The following ADSS2 variants were observed in gnomAD, a reference collection of about 807,000 sequenced individuals.
The protein encoded by ADSS2 is adenylosuccinate synthetase isozyme 2.
In ADSS2, 30 loss-of-function variants were observed where a neutral mutation model predicts 60.0. The ratio of observed to expected loss-of-function variants is 0.50; its 90% CI spans 0.37 to 0.68. The LOEUF (loss-of-function observed/expected upper bound fraction) is 0.68, where lower values mean the gene tolerates loss of function less well. ADSS2 is among the 30% of genes least tolerant of loss of function. ADSS2 has a pLI of 0.00. For missense variants in ADSS2, 373 were observed against 554.8 expected, an observed-to-expected ratio of 0.67 and a Z score of 3.29; for synonymous variants, 187 against 193.1, an observed-to-expected ratio of 0.97 and a Z score of 0.26.
intron 12 of ADSS2, among the ~76,000 whole-genome samples, chr1:244,409,945 C>G (rs1371053118): frequency 6.6e-6 from 1 of 152,174 alleles, no homozygotes; most frequent in Non-Finnish European, 1.5e-5. Context: ...AGTTGGTGAT[C>G]AAGTTCCTGA....
At chr1:244,443,837 TGGCGGAGC>T (rs1452283524) in intron 1 of ADSS2, among the ~76,000 whole-genome samples, 4 of 151,900 alleles carry the variant, frequency 2.6e-5, no homozygotes, top group East Asian at 1.9e-4. Context: ...AGTGGCAGAG[TGGCGGAGC>T]GGCTCTCCAG....
chr1:244,435,658 ATCCTCCTCT>A (rs988849250), intron 3 of ADSS2, among the ~76,000 whole-genome samples: 1 of 145,632 alleles, frequency 6.9e-6, no homozygotes, highest in African/African-American at 2.6e-5. Context: ...TTCCTCCTCC[ATCCTCCTCT>A]TCCTCCTCCA....
chr1:244,450,320 G>A (rs967396882), intron 1 of ADSS2, among the ~76,000 whole-genome samples: 1 of 152,248 alleles, frequency 6.6e-6, no homozygotes, highest in Non-Finnish European at 1.5e-5. Flanking sequence ...GGCTGGAAGG[G>A]AAGGAGGGAG....
At chr1:244,430,402 C>A (rs1664912643) in intron 4 of ADSS2, among the ~76,000 whole-genome samples, 2 of 152,208 alleles carry the variant, frequency 1.3e-5, no homozygotes, top group South Asian at 4.1e-4. Context: ...TTCCAACAGG[C>A]TGATATCATC....
intron 2 of ADSS2, among the ~76,000 whole-genome samples, chr1:244,437,099 CAA>C (rs1184803777): frequency 1.3e-5 from 2 of 152,170 alleles, no homozygotes; most frequent in Middle Eastern, 3.4e-3. Flanking sequence ...TTCTTGAAAA[CAA>C]AGTGAAATAT....
At chr1:244,448,821 AAC>A (rs1222628620) in intron 1 of ADSS2, among the ~76,000 whole-genome samples, 2 of 152,102 alleles carry the variant, frequency 1.3e-5, no homozygotes, top group Non-Finnish European at 2.9e-5. Flanking sequence ...CGACCTTCTC[AAC>A]ACTTTTGCTT....
At chr1:244,441,263 T>C (rs1350264273) in intron 1 of ADSS2, among the ~76,000 whole-genome samples, 1 of 152,100 alleles carries the variant, frequency 6.6e-6, no homozygotes, top group Admixed American at 6.5e-5. Flanking sequence ...TTTCACCATG[T>C]TAGCCAGGAT....
intron 7 of ADSS2, among the ~76,000 whole-genome samples, chr1:244,421,816 C>CA (rs954326219): frequency 1.6e-4 from 24 of 150,602 alleles, no homozygotes; most frequent in Admixed American, 4.6e-4. Context: ...CCATCTCTAC[C>CA]AAAAAAAAAC....
At chr1:244,447,135 G>A (rs1481285915) in intron 1 of ADSS2, among the ~76,000 whole-genome samples, 1 of 152,102 alleles carries the variant, frequency 6.6e-6, no homozygotes, top group African/African-American at 2.4e-5. Context: ...TGATGTTTCT[G>A]TTGCTAAAAG....
At chr1:244,441,309 C>T (rs1028127166) in intron 1 of ADSS2, among the ~76,000 whole-genome samples, 2 of 152,154 alleles carry the variant, frequency 1.3e-5, no homozygotes, top group Non-Finnish European at 2.9e-5. Flanking sequence ...CCGCCCGCCT[C>T]GGCCTTCCAA....
At chr1:244,430,250 T>C (rs918782549) in intron 4 of ADSS2, among the ~76,000 whole-genome samples, 15 of 152,214 alleles carry the variant, frequency 9.9e-5, no homozygotes, top group Non-Finnish European at 2.1e-4. Context: ...TTTGGTGGTC[T>C]AAAGTAATTA....
intron 4 of ADSS2, among the ~76,000 whole-genome samples, chr1:244,425,077 A>G (rs1375783604): frequency 6.6e-6 from 1 of 152,130 alleles, no homozygotes; most frequent in Non-Finnish European, 1.5e-5. Context: ...TTCTACACCT[A>G]CACATAACTT....
chr1:244,431,646 A>G (rs1179823239), intron 4 of ADSS2, among the ~76,000 whole-genome samples: 1 of 152,246 alleles, frequency 6.6e-6, no homozygotes, highest in Non-Finnish European at 1.5e-5. Context: ...CAGTAAAAAC[A>G]AAAAATTGTT....
intron 1 of ADSS2, among the ~76,000 whole-genome samples, chr1:244,442,261 AC>A (rs1665267427): frequency 6.6e-6 from 1 of 152,046 alleles, no homozygotes. Context: ...ACACACACAC[AC>A]ACACACAAAT....
At chr1:244,435,194 A>AAAAAAAACAAAC (rs1553308065) in intron 3 of ADSS2, among the ~76,000 whole-genome samples, 2 of 127,852 alleles carry the variant, frequency 1.6e-5, no homozygotes, top group African/African-American at 6.4e-5. Context: ...AAAAAAAAAA[A>AAAAAAAACAAAC]AAACAAACCT....
chr1:244,413,335 TG>T (rs1156251143), intron 11 of ADSS2, among the ~76,000 whole-genome samples: 1 of 152,146 alleles, frequency 6.6e-6, no homozygotes, highest in Non-Finnish European at 1.5e-5. Context: ...AGAGAATCAG[TG>T]GGGCTTCCAT....
intron 1 of ADSS2, among the ~76,000 whole-genome samples, chr1:244,438,168 A>AGTTACCCTAACTTGAT (rs1217246215): frequency 1.1e-4 from 17 of 152,202 alleles, no homozygotes; most frequent in African/African-American, 4.1e-4. Context: ...TAATCTATCC[A>AGTTACCCTAACTTGAT]GTTACCCTAA....
Position 244,451,578 on chromosome 1 carries a change from A to C in ADSS2, c.183+57T>G. On this transcript the variant is annotated intron_variant, in intron 1 of 12. Coordinates refer to ENST00000366535, the MANE Select transcript of ADSS2 (RefSeq NM_001126.5). This position sits in a 1 kb window ranked among gnomAD's most constrained non-coding sequence, Gnocchi z 6.6. ...TGGGTCCGAGTTCCCGGGCACCAGG[A>C]GCCAGGCAGCCCGAGCTCCCGGGCC... 2.0e-6 allele frequency: 3 copies of C among 1,529,654 alleles called. No individual in the cohort carries two copies. Among genetic ancestry groups the C allele is most frequent in the Non-Finnish European group, 2.6e-6 (3 of 1,138,360 alleles). 94.8% of individuals were successfully genotyped at this position (1,529,654 alleles called of 1,614,324 possible).
At chr1:244,424,481 C>A in intron 4 of ADSS2, 94 bp from the exon 5 acceptor site, 1 of 995,200 alleles carries the variant, frequency 1.0e-6, no homozygotes, top group Non-Finnish European at 1.6e-6. Context: ...TAAATCCCTT[C>A]AGCCTCATTT....
Sources: gnomAD v4.1 joint callset for allele counts (sites outside exome capture counted in the v4.1 genomes callset) on GRCh38, gnomAD v4.1.1 for gene constraint, Gnocchi (gnomAD v3.1) non-coding constraint, MANE v1.5 for transcripts, NCBI Gene and HGNC (gene_info 2026-07-23, HGNC 2026-07-21) for gene names.